Variants in FYN observed in about 807,000 individuals in gnomAD.
FYN encodes the protein FYN proto-oncogene, Src family tyrosine kinase, also known as tyrosine-protein kinase Fyn.
Under a neutral mutation model 70.2 loss-of-function variants are expected in FYN, and 10 were observed. That is an observed-to-expected ratio of 0.14 (90% CI 0.09 to 0.24). The LOEUF is 0.24. Ranked by LOEUF, FYN falls within the 10% of genes least tolerant of loss-of-function variation. The probability of loss-of-function intolerance (pLI) is 1.00; values close to 1 mark genes in which losing one functional copy is unlikely to be tolerated. For synonymous variants in FYN, 236 were observed against 248.6 expected, an observed-to-expected ratio of 0.95 and a Z score of 0.48; for missense variants, 319 against 673.1, an observed-to-expected ratio of 0.47 and a Z score of 5.82.
At chr6:111,741,889 G>C (rs1189810643) in intron 3 of FYN, among the ~76,000 whole-genome samples, 1 of 152,194 alleles carries the variant, frequency 6.6e-6, no homozygotes, top group African/African-American at 2.4e-5. Flanking sequence ...CAAGTCCCAG[G>C]GTTATGCTGG....
At chr6:111,847,337 TC>T (rs1313430085) in intron 1 of FYN, among the ~76,000 whole-genome samples, 1 of 152,250 alleles carries the variant, frequency 6.6e-6, no homozygotes, top group East Asian at 1.9e-4. Context: ...ATGGCAGCTT[TC>T]CAGTTTGCTC....
intron 12 of FYN, among the ~76,000 whole-genome samples, chr6:111,678,647 G>T (rs890380405): frequency 2.0e-5 from 3 of 152,072 alleles, no homozygotes; most frequent in African/African-American, 7.3e-5. Context: ...CATGAAATTG[G>T]TTATACAAGT....
intron 2 of FYN, among the ~76,000 whole-genome samples, chr6:111,800,802 A>T (rs1771959120): frequency 6.6e-6 from 1 of 152,000 alleles, no homozygotes; most frequent in Non-Finnish European, 1.5e-5. Context: ...TCTCTCCTCA[A>T]CTCTTCTCAT....
intron 2 of FYN, among the ~76,000 whole-genome samples, chr6:111,791,519 A>C (rs575831386): frequency 1.3e-5 from 2 of 150,990 alleles, no homozygotes. Context: ...GAATCCAGTG[A>C]CTGTCCTTAA....
At chr6:111,851,543 G>A (rs9320378) in intron 1 of FYN, among the ~76,000 whole-genome samples, 52,716 of 152,128 alleles carry the variant, frequency 0.35, 13,385 homozygotes, top group African/African-American at 0.72. Flanking sequence ...GTCTGTTTCA[G>A]TTAGTATCAT....
chr6:111,729,863 T>G (rs1801366915), intron 3 of FYN, among the ~76,000 whole-genome samples: 1 of 152,258 alleles, frequency 6.6e-6, no homozygotes, highest in Non-Finnish European at 1.5e-5. Flanking sequence ...CTTTGCTCTC[T>G]GTGTCTTTTT....
chr6:111,863,418 T>C (rs9320379), intron 1 of FYN, among the ~76,000 whole-genome samples: 52,242 of 152,116 alleles, frequency 0.34, 13,188 homozygotes, highest in African/African-American at 0.72. Flanking sequence ...TAAATAGACA[T>C]GACATTTGTG....
chr6:111,696,147 G>A (rs1385965112), intron 10 of FYN, 130 bp downstream of exon 10: 2 of 734,000 alleles, frequency 2.7e-6, no homozygotes, highest in Non-Finnish European at 4.2e-6. Context: ...GCACATAACT[G>A]GTGGTTCCTA....
At chr6:111,689,018 T>C (rs887931645) in intron 12 of FYN, among the ~76,000 whole-genome samples, 4 of 152,314 alleles carry the variant, frequency 2.6e-5, no homozygotes, top group Non-Finnish European at 5.9e-5. Context: ...CTTTAAAAAC[T>C]TTTTAGACTG....
At chr6:111,750,678 G>T (rs1192637762) in intron 3 of FYN, among the ~76,000 whole-genome samples, 1 of 149,094 alleles carries the variant, frequency 6.7e-6, no homozygotes, top group African/African-American at 2.5e-5. Flanking sequence ...TTTCTTTGTT[G>T]GCCAGACCAC....
chr6:111,739,729 G>C (rs1468077677), intron 3 of FYN, among the ~76,000 whole-genome samples: 1 of 152,204 alleles, frequency 6.6e-6, no homozygotes, highest in Non-Finnish European at 1.5e-5. Context: ...ATTTTGAGTA[G>C]GTGGTTAAAA....
At chr6:111,737,183 C>T (rs1179711640) in intron 3 of FYN, among the ~76,000 whole-genome samples, 1 of 152,188 alleles carries the variant, frequency 6.6e-6, no homozygotes, top group African/African-American at 2.4e-5. Context: ...TTTGTTTCCC[C>T]ACATATCAAG....
chr6:111,663,403 C>T (rs373860615), intron 13 of FYN, among the ~76,000 whole-genome samples: 1 of 152,206 alleles, frequency 6.6e-6, no homozygotes, highest in Non-Finnish European at 1.5e-5. Context: ...CACAGCCTGT[C>T]CCCCTGCAGA....
intron 2 of FYN, among the ~76,000 whole-genome samples, chr6:111,839,436 A>G (rs1036778009): frequency 3.9e-5 from 6 of 152,122 alleles, no homozygotes; most frequent in Admixed American, 1.3e-4. Flanking sequence ...CATAAGCTCA[A>G]TGCAAGCTGA....
intron 3 of FYN, among the ~76,000 whole-genome samples, chr6:111,746,886 A>G (rs1237315750): frequency 6.6e-6 from 1 of 152,114 alleles, no homozygotes; most frequent in East Asian, 1.9e-4. Context: ...AGACAGAGAG[A>G]GAGAGAGAAT....
intron 12 of FYN, among the ~76,000 whole-genome samples, chr6:111,685,072 A>C (rs185800743): frequency 9.7e-4 from 148 of 152,394 alleles, no homozygotes; most frequent in Non-Finnish European, 1.5e-3. Context: ...CAGCTTCAAC[A>C]GCATAAACGC....
At chr6:111,797,707 TATATAC>T (rs1441948040) in intron 2 of FYN, among the ~76,000 whole-genome samples, 4 of 90,944 alleles carry the variant, frequency 4.4e-5, no homozygotes, top group Non-Finnish European at 6.3e-5. Context: ...TATATATATA[TATATAC>T]ACACACACAC....
chr6:111,730,672 T>G (rs577344477), intron 3 of FYN, among the ~76,000 whole-genome samples: 1 of 152,282 alleles, frequency 6.6e-6, no homozygotes, highest in African/African-American at 2.4e-5. Context: ...CCACTGCCCC[T>G]AGAACCTGGG....
At chr6:111,772,255 CCAT>C (rs1359283850) in intron 3 of FYN, among the ~76,000 whole-genome samples, 1 of 152,018 alleles carries the variant, frequency 6.6e-6, no homozygotes, top group Non-Finnish European at 1.5e-5. Flanking sequence ...GGCTAGAAAA[CCAT>C]CACTGCAAAA....
Sources: gnomAD v4.1 joint callset for allele counts (sites outside exome capture counted in the v4.1 genomes callset) on GRCh38, gnomAD v4.1.1 for gene constraint, MANE v1.5 for transcripts, NCBI Gene and HGNC (gene_info 2026-07-23, HGNC 2026-07-21) for gene names.